The following PACRG variants were observed in gnomAD, a reference collection of about 807,000 sequenced individuals.
The protein encoded by PACRG is parkin coregulated.
Under a neutral mutation model 29.7 loss-of-function variants are expected in PACRG, and 29 were observed. The ratio of observed to expected loss-of-function variants is 0.98; its 90% CI spans 0.73 to 1.33. The LOEUF (loss-of-function observed/expected upper bound fraction) is 1.33, where lower values mean the gene tolerates loss of function less well. Among genes scored for constraint, PACRG ranks in the 40% most tolerant of loss-of-function variants. The pLI is 0.00. For synonymous variants in PACRG, 116 were observed against 118.7 expected, an observed-to-expected ratio of 0.98 and a Z score of 0.15; for missense variants, 279 against 316.2, an observed-to-expected ratio of 0.88 and a Z score of 0.89.
chr6:163,257,082 T>C (rs1783142890), intron 4 of PACRG, among the ~76,000 whole-genome samples: 1 of 152,126 alleles, frequency 6.6e-6, no homozygotes, highest in Non-Finnish European at 1.5e-5. Flanking sequence ...CACAAGTCAT[T>C]GGATTTAGAG....
At chr6:163,126,490 CA>C (rs1223405362) in intron 4 of PACRG, among the ~76,000 whole-genome samples, 1 of 152,170 alleles carries the variant, frequency 6.6e-6, no homozygotes, top group Non-Finnish European at 1.5e-5. Context: ...AGGGCATTTA[CA>C]AAAGGAACAG....
chr6:162,923,169 G>A (rs564222519), intron 2 of PACRG, among the ~76,000 whole-genome samples: 13 of 152,156 alleles, frequency 8.5e-5, no homozygotes, highest in African/African-American at 3.1e-4. Context: ...CCATTTGTAT[G>A]CCTTTTTCTT....
intron 4 of PACRG, among the ~76,000 whole-genome samples, chr6:163,150,646 A>G (rs187580432): frequency 9.9e-4 from 151 of 152,270 alleles, no homozygotes; most frequent in African/African-American, 3.5e-3. Context: ...CCGTGGAATT[A>G]TTTGCTCCCT....
intron 1 of PACRG, 138 bp from the exon 2 acceptor site, chr6:162,814,009 G>A (rs1311514663): frequency 3.1e-5 from 27 of 870,734 alleles, no homozygotes; most frequent in Non-Finnish European, 4.1e-5. Context: ...GATTTCTGTT[G>A]TCCCTTATTT....
At chr6:163,062,121 C>T in intron 2 of PACRG, 29 bp from the exon 3 acceptor site, 1 of 1,609,766 alleles carries the variant, frequency 6.2e-7, no homozygotes. Context: ...GCTGTTTTCA[C>T]ATGGCGTCTC....
At chr6:163,122,905 A>G (rs1382415149) in intron 4 of PACRG, among the ~76,000 whole-genome samples, 1 of 152,204 alleles carries the variant, frequency 6.6e-6, no homozygotes, top group Non-Finnish European at 1.5e-5. Context: ...TGAGGGAAGA[A>G]AACTTAACAT....
chr6:163,292,669 C>T lies in PACRG; in HGVS notation c.614-22158C>T, dbSNP rs532328982. ...AAACTCCTGACCTCAGGTGATCCAC[C>T]CTCCTTGGCCTCCCAGAGTGCTGGG... On this transcript the variant is annotated intron_variant, in intron 4 of 4. Coordinates refer to ENST00000366888, the MANE Select transcript of PACRG (RefSeq NM_001080379.2). 3.5e-4 allele frequency among the ~76,000 whole-genome samples: 54 copies of T among 152,128 alleles called. 2 individuals carry two copies. The South Asian group carries it at 0.01, about 29-fold the overall frequency.
intron 2 of PACRG, among the ~76,000 whole-genome samples, chr6:162,948,132 T>C (rs925531293): frequency 6.6e-6 from 1 of 152,078 alleles, no homozygotes; most frequent in South Asian, 2.1e-4. Flanking sequence ...TCACACTACC[T>C]GACTTCAAAA....
rs530434323 is a variant in PACRG, at chr6:163,175,090, C to T, written c.613+85682C>T. ...CTCCAATAGGTGAAATTATTTTAGC[C>T]TCTCATCCTGTTTCCTAACCCAGAA... On this transcript the variant is annotated intron_variant, in intron 4 of 4. Transcript: ENST00000366888. Among the ~76,000 whole-genome samples the T allele has an allele frequency of 4.6e-5, 7 of 152,250 alleles. No individual in the cohort carries two copies. The South Asian group carries it at 1.5e-3, about 32-fold the overall frequency.
chr6:162,820,114 TC>T (rs956342460), intron 2 of PACRG, among the ~76,000 whole-genome samples: 25 of 152,278 alleles, frequency 1.6e-4, no homozygotes, highest in Middle Eastern at 6.8e-3. Context: ...CAAATTCGCT[TC>T]CCTTTCTAAA....
At chr6:163,195,627 TC>T (rs1389974267) in intron 4 of PACRG, among the ~76,000 whole-genome samples, 1 of 152,046 alleles carries the variant, frequency 6.6e-6, no homozygotes, top group Non-Finnish European at 1.5e-5. Context: ...GGGTCTAACC[TC>T]CCCCAGGGCT....
At chr6:162,858,314 A>G (rs976281797) in intron 2 of PACRG, among the ~76,000 whole-genome samples, 1 of 152,138 alleles carries the variant, frequency 6.6e-6, no homozygotes, top group Non-Finnish European at 1.5e-5. Flanking sequence ...GAAGTGCCAC[A>G]CTTTTAAACC....
At chr6:162,858,137 G>A (rs1791558163) in intron 2 of PACRG, among the ~76,000 whole-genome samples, 1 of 152,148 alleles carries the variant, frequency 6.6e-6, no homozygotes, top group African/African-American at 2.4e-5. Context: ...TTTTCACACT[G>A]CTATAAAGAA....
At chr6:162,843,001 C>G in intron 2 of PACRG, among the ~76,000 whole-genome samples, 1 of 135,016 alleles carries the variant, frequency 7.4e-6, no homozygotes, top group Non-Finnish European at 1.6e-5. Context: ...TGAGGGTAAC[C>G]CGACCTTTCT....
intron 2 of PACRG, among the ~76,000 whole-genome samples, chr6:162,826,624 C>A (rs1788307994): frequency 6.6e-6 from 1 of 151,994 alleles, no homozygotes; most frequent in African/African-American, 2.4e-5. Context: ...CCACCACACC[C>A]AGCTAATTTT....
At chr6:163,283,887 G>A (rs893800735) in intron 4 of PACRG, among the ~76,000 whole-genome samples, 1 of 152,134 alleles carries the variant, frequency 6.6e-6, no homozygotes, top group Non-Finnish European at 1.5e-5. Flanking sequence ...GCCAAGGCCG[G>A]TAGATCACTT....
intron 2 of PACRG, among the ~76,000 whole-genome samples, chr6:162,956,688 T>C (rs904033303): frequency 6.6e-6 from 1 of 152,184 alleles, no homozygotes; most frequent in African/African-American, 2.4e-5. Flanking sequence ...GCCTTCTCCC[T>C]GTGTCTCCTC....
intron 2 of PACRG, among the ~76,000 whole-genome samples, chr6:162,843,092 C>T (rs914113873): frequency 2.7e-5 from 4 of 147,022 alleles, no homozygotes; most frequent in South Asian, 2.2e-4. Context: ...TGGCTCTTCT[C>T]GAGGAGTATC....
At chr6:162,921,243 T>A (rs1212323970) in intron 2 of PACRG, among the ~76,000 whole-genome samples, 1 of 152,114 alleles carries the variant, frequency 6.6e-6, no homozygotes, top group Non-Finnish European at 1.5e-5. Flanking sequence ...GGCGGCCGGA[T>A]CCTGCACAAT....
Sources: gnomAD v4.1 joint callset for allele counts (sites outside exome capture counted in the v4.1 genomes callset) on GRCh38, gnomAD v4.1.1 for gene constraint, MANE v1.5 for transcripts, NCBI Gene and HGNC (gene_info 2026-07-23, HGNC 2026-07-21) for gene names.